The following KCNJ6 variants were observed in gnomAD, a reference collection of about 807,000 sequenced individuals.
KCNJ6 encodes potassium inwardly rectifying channel subfamily J member 6.
In KCNJ6, 9 loss-of-function variants were observed where a neutral mutation model predicts 34.2. The observed-to-expected ratio is 0.26, with a 90% CI of 0.16 to 0.46. The LOEUF is 0.46. Ranked by LOEUF, KCNJ6 falls within the 20% of genes least tolerant of loss-of-function variation. The pLI, the probability that KCNJ6 is intolerant of heterozygous loss-of-function variation, is 1.00. For missense variants in KCNJ6, 236 were observed against 531.3 expected (o/e 0.44, Z 5.46); for synonymous variants, 196 against 207.1 (o/e 0.95, Z 0.46).
At chr21:37,654,900 T>A (rs569177754) in intron 3 of KCNJ6, among the ~76,000 whole-genome samples, 73 of 152,222 alleles carry the variant, frequency 4.8e-4, no homozygotes, top group African/African-American at 1.6e-3. Flanking sequence ...GGCATGGACA[T>A]CCCCAAGGCC....
At chr21:37,721,327 G>T (rs1459262470) in intron 2 of KCNJ6, among the ~76,000 whole-genome samples, 1 of 152,212 alleles carries the variant, frequency 6.6e-6, no homozygotes, top group Non-Finnish European at 1.5e-5. Flanking sequence ...TCACTGGTGG[G>T]AGTGTAAAAC....
chr21:37,649,372 A>G (rs952952339), intron 3 of KCNJ6, among the ~76,000 whole-genome samples: 9 of 152,160 alleles, frequency 5.9e-5, no homozygotes, highest in Non-Finnish European at 1.3e-4. Context: ...ATGTTGTTCC[A>G]CAGACTCAGA....
intron 3 of KCNJ6, among the ~76,000 whole-genome samples, chr21:37,673,434 A>C (rs2123410089): frequency 6.6e-6 from 1 of 152,308 alleles, no homozygotes; most frequent in South Asian, 2.1e-4. Flanking sequence ...GAGCTCATCC[A>C]TCCTCCTTCC....
Position 37,608,181 on chromosome 21 carries a change from T to C in KCNJ6, c.*16978A>G, listed in dbSNP as rs1012400106. The C allele has an allele frequency of 6.6e-6, 1 of 152,204 alleles. No homozygotes were observed. The highest frequency in any genetic ancestry group is 2.4e-5 in the African/African-American group (1 of 41,452). The allele number at this position is 152,204 out of a possible 1,614,324, so 9.4% of individuals were successfully genotyped here. A position where few individuals can be genotyped will look rare whatever the true frequency, so the allele number is the denominator to read the frequency against. ...CTAAGTCTCTATAAATTAGCACCAG[T>C]TTTCCAAATGCATATTTTATCAAAT... On this transcript the variant is annotated 3_prime_UTR_variant, in exon 4 of 4. Transcript: ENST00000609713.
At chr21:37,820,816 C>A (rs1370067086) in intron 2 of KCNJ6, among the ~76,000 whole-genome samples, 2 of 152,126 alleles carry the variant, frequency 1.3e-5, no homozygotes, top group Non-Finnish European at 2.9e-5. Flanking sequence ...GATACACTGA[C>A]CAAAAACCAT....
At chr21:37,656,942 C>A (rs1038475956) in intron 3 of KCNJ6, among the ~76,000 whole-genome samples, 2 of 152,172 alleles carry the variant, frequency 1.3e-5, no homozygotes, top group Non-Finnish European at 2.9e-5. Flanking sequence ...TCCTTCCCAC[C>A]CAAAGAAAAG....
At chr21:37,653,524 A>T (rs1176983523) in intron 3 of KCNJ6, among the ~76,000 whole-genome samples, 1 of 152,202 alleles carries the variant, frequency 6.6e-6, no homozygotes, top group African/African-American at 2.4e-5. Context: ...ACGTAGGGTG[A>T]ATGATGATGG....
chr21:37,649,132 CAAAAAAAAAAA>C (rs1169306298), intron 3 of KCNJ6, among the ~76,000 whole-genome samples: 2 of 39,996 alleles, frequency 5.0e-5, no homozygotes, highest in South Asian at 1.2e-3. Context: ...GACTCCATCT[CAAAAAAAAAAA>C]AAAAAAAAAA....
intron 3 of KCNJ6, among the ~76,000 whole-genome samples, chr21:37,661,613 A>ATTTTTTTTTTTTTT (rs1324340711): frequency 2.1e-5 from 1 of 47,310 alleles, no homozygotes; most frequent in Admixed American, 2.4e-4. Context: ...TAAGAGACAT[A>ATTTTTTTTTTTTTT]GTTTTTTTTT....
chr21:37,765,415 G>T (rs2055085973), intron 2 of KCNJ6, among the ~76,000 whole-genome samples: 1 of 152,188 alleles, frequency 6.6e-6, no homozygotes, highest in Admixed American at 6.5e-5. Flanking sequence ...GTATCTGGAG[G>T]CGCCTTTGAC....
chr21:37,649,866 C>T lies in KCNJ6; in HGVS notation c.947-24382G>A, dbSNP rs1254566095. 2.0e-5 allele frequency among the ~76,000 whole-genome samples: 3 copies of T among 152,224 alleles called. No individual in the cohort carries two copies. The East Asian group carries it at 5.8e-4, about 29-fold the overall frequency. ...CTCCCAGGTTCACGCCATTCTCCTG[C>T]CTCAGCCTCCCCAAGTAGCTGGGAC... On this transcript the variant is annotated intron_variant, in intron 3 of 3. Coordinates refer to ENST00000609713, the MANE Select transcript of KCNJ6 (RefSeq NM_002240.5).
chr21:37,841,128 A>G (rs186070968), intron 1 of KCNJ6, among the ~76,000 whole-genome samples: 1 of 152,286 alleles, frequency 6.6e-6, no homozygotes, highest in Admixed American at 6.5e-5. Context: ...AAAAAACTAA[A>G]TAGATTTTAT....
Position 37,616,587 on chromosome 21 carries a change from G to GTACATATATATA in KCNJ6, c.*8560_*8571dup, listed in dbSNP as rs2054267552. 5.4e-5 allele frequency: 1 copy of GTACATATATATA among 18,376 alleles called. No individual in the cohort carries two copies. 1.1% of individuals were successfully genotyped at this position (18,376 alleles called of 1,614,324 possible). A position where few individuals can be genotyped will look rare whatever the true frequency, so the allele number is the denominator to read the frequency against. On this transcript the variant is annotated 3_prime_UTR_variant, in exon 4 of 4. Coordinates refer to ENST00000609713, the MANE Select transcript of KCNJ6 (RefSeq NM_002240.5). ...GGCAATTATGAAGCAGGAACAAAAT[G>GTACATATATATA]TACATATATATATATATATATATAT...
At chr21:37,756,481 G>A (rs1240901994) in intron 2 of KCNJ6, among the ~76,000 whole-genome samples, 1 of 152,190 alleles carries the variant, frequency 6.6e-6, no homozygotes, top group African/African-American at 2.4e-5. Flanking sequence ...CCCTTAGGCA[G>A]CACTGACATC....
intron 3 of KCNJ6, among the ~76,000 whole-genome samples, chr21:37,656,069 C>T (rs2054462529): frequency 6.6e-6 from 1 of 152,176 alleles, no homozygotes; most frequent in East Asian, 1.9e-4. Flanking sequence ...ACGTGGCATG[C>T]ACACGTTACA....
intron 3 of KCNJ6, among the ~76,000 whole-genome samples, chr21:37,652,436 C>T (rs8134734): frequency 0.14 from 21,788 of 152,074 alleles, 2,393 homozygotes; most frequent in African/African-American, 0.3. Flanking sequence ...ATTTGCTTGT[C>T]AGGGGGCAGA....
At chr21:37,741,752 G>A (rs1461259519) in intron 2 of KCNJ6, among the ~76,000 whole-genome samples, 1 of 152,214 alleles carries the variant, frequency 6.6e-6, no homozygotes, top group African/African-American at 2.4e-5. Flanking sequence ...TACCAAGCCA[G>A]CACCCAGAGG....
chr21:37,657,613 T>C (rs1017480350), intron 3 of KCNJ6, among the ~76,000 whole-genome samples: 3 of 152,094 alleles, frequency 2.0e-5, no homozygotes, highest in East Asian at 1.9e-4. Flanking sequence ...CTCAAAGAGA[T>C]TGGGGACTCA....
intron 3 of KCNJ6, among the ~76,000 whole-genome samples, chr21:37,685,491 C>A (rs2054609432): frequency 9.2e-6 from 1 of 108,200 alleles, no homozygotes; most frequent in Admixed American, 1.1e-4. Context: ...AACATCCTGG[C>A]TAACATGGTG....
Sources: allele counts gnomAD v4.1 joint callset (sites outside exome capture counted in the v4.1 genomes callset), GRCh38; gene constraint gnomAD v4.1.1; transcripts MANE v1.5; gene names NCBI Gene and HGNC (gene_info 2026-07-23, HGNC 2026-07-21).